The following SLC45A4 variants were observed in gnomAD, a reference collection of about 807,000 sequenced individuals.
SLC45A4 encodes solute carrier family 45 member 4, also known as polyamine-transporter SLC45A4.
A neutral mutation model predicts 63.7 loss-of-function variants in SLC45A4; 32 were observed. That is an observed-to-expected ratio of 0.50 (90% CI 0.38 to 0.67). The LOEUF (loss-of-function observed/expected upper bound fraction) is 0.67. Among genes scored for constraint, SLC45A4 ranks in the 30% least tolerant of loss-of-function variants. The pLI is 0.00. For missense variants in SLC45A4, 1,027 were observed against 1,157.7 expected (o/e 0.89, Z 1.64); for synonymous variants, 535 against 510.0 (o/e 1.05, Z -0.66).
intron 3 of SLC45A4, among the ~76,000 whole-genome samples, chr8:141,220,272 G>A (rs1206346046): frequency 6.6e-6 from 1 of 152,172 alleles, no homozygotes; most frequent in South Asian, 2.1e-4. Context: ...GAGGCTTCGC[G>A]AGGCAGGCGC....
intron 2 of SLC45A4, chr8:141,226,994 T>TCCTGC (rs1827041013): frequency 6.6e-6 from 1 of 152,268 alleles, no homozygotes; most frequent in African/African-American, 2.4e-5. Context: ...GCCTCGCAGG[T>TCCTGC]CCTGCTCTGA....
intron 1 of SLC45A4, among the ~76,000 whole-genome samples, chr8:141,306,270 CA>C (rs1369040507): frequency 2.6e-5 from 4 of 152,242 alleles, no homozygotes; most frequent in African/African-American, 9.6e-5. Flanking sequence ...GTGTGTATTT[CA>C]AACACATTTC....
intron 2 of SLC45A4, among the ~76,000 whole-genome samples, chr8:141,252,902 A>AC (rs1828561099): frequency 1.5e-5 from 2 of 130,538 alleles, no homozygotes; most frequent in Non-Finnish European, 3.2e-5. Context: ...TGTGTCTGTG[A>AC]ATTTTCGTGT....
At chr8:141,217,463 G>T (rs1826229501) in intron 5 of SLC45A4, among the ~76,000 whole-genome samples, 1 of 152,252 alleles carries the variant, frequency 6.6e-6, no homozygotes. Flanking sequence ...GGCTGGTCTG[G>T]ACTTGCAGAA....
At position 141,254,312 on chromosome 8, in the gene SLC45A4, C is replaced by A. The variant is rs776045678; in HGVS notation, c.-83G>T. On this transcript the variant is annotated 5_prime_UTR_variant, in exon 2 of 9. Coordinates refer to ENST00000517878, the MANE Select transcript of SLC45A4 (RefSeq NM_001286646.2). The surrounding 1 kb of genome is among the most constrained non-coding windows in gnomAD (Gnocchi z 4.5). Reference sequence around the variant, plus strand: ...ATATATCTGTAATGATAAATTAAGACGTCTTCTCTTTCTGCTTCTGCTGTG... The same window carrying A: ...ATATATCTGTAATGATAAATTAAGAAGTCTTCTCTTTCTGCTTCTGCTGTG... The A allele has an allele frequency of 7.3e-7, 1 of 1,378,494 alleles. No individual in the cohort carries two copies. Among genetic ancestry groups the A allele is most frequent in the Non-Finnish European group, 9.6e-7 (1 of 1,046,232 alleles). 85.4% of individuals were successfully genotyped at this position (1,378,494 alleles called of 1,614,324 possible).
intron 1 of SLC45A4, among the ~76,000 whole-genome samples, chr8:141,288,120 T>C: frequency 6.6e-6 from 1 of 152,148 alleles, no homozygotes; most frequent in East Asian, 1.9e-4. Flanking sequence ...TAGGCTGCAA[T>C]GAACCATGAT....
intron 2 of SLC45A4, among the ~76,000 whole-genome samples, chr8:141,244,236 G>C (rs1179107436): frequency 6.6e-6 from 1 of 152,218 alleles, no homozygotes; most frequent in Non-Finnish European, 1.5e-5. Context: ...GCCTGCAGGA[G>C]GTTCCCCTGT....
At chr8:141,214,221 C>T (rs1412145916) in intron 7 of SLC45A4, among the ~76,000 whole-genome samples, 1 of 150,812 alleles carries the variant, frequency 6.6e-6, no homozygotes, top group Non-Finnish European at 1.5e-5. Context: ...CATCATACTT[C>T]CTAGTAAGAT....
chr8:141,254,705 C>T lies in SLC45A4; in HGVS notation c.-400-76G>A. ...ATGGCCCTGTGGACCGCCGCCCGAC[C>T]CCCGAGCAAGCCGTGTGCCCCGAGG... is the stretch of plus-strand genomic sequence containing the variant. On this transcript the variant is annotated intron_variant, in intron 1 of 8. Coordinates refer to ENST00000517878, the MANE Select transcript of SLC45A4 (RefSeq NM_001286646.2). The surrounding 1 kb of genome is among the most constrained non-coding windows in gnomAD (Gnocchi z 4.5). 1.4e-6 allele frequency: 1 copy of T among 691,984 alleles called. No individual in the cohort carries two copies. Among genetic ancestry groups the T allele is most frequent in the Non-Finnish European group, 2.6e-6 (1 of 378,610 alleles). 42.9% of individuals were successfully genotyped at this position (691,984 alleles called of 1,614,324 possible).
At chr8:141,216,889 C>T (rs1463245739) in intron 6 of SLC45A4, among the ~76,000 whole-genome samples, 3 of 152,240 alleles carry the variant, frequency 2.0e-5, no homozygotes, top group Non-Finnish European at 4.4e-5. Flanking sequence ...GCTTCTGGTG[C>T]CAGCCCACAG....
At chr8:141,275,600 C>T (rs1241983530) in intron 1 of SLC45A4, among the ~76,000 whole-genome samples, 1 of 151,220 alleles carries the variant, frequency 6.6e-6, no homozygotes, top group African/African-American at 2.4e-5. Flanking sequence ...TATAGTGAGA[C>T]CCCTGTCTCA....
At chr8:141,298,382 C>T (rs892182515) in intron 1 of SLC45A4, among the ~76,000 whole-genome samples, 14 of 152,234 alleles carry the variant, frequency 9.2e-5, no homozygotes, top group Non-Finnish European at 1.8e-4. Context: ...TCACCCTGGC[C>T]AGATGGCTGT....
At chr8:141,303,122 C>T (rs528296839) in intron 1 of SLC45A4, among the ~76,000 whole-genome samples, 4 of 151,030 alleles carry the variant, frequency 2.6e-5, no homozygotes, top group South Asian at 2.1e-4. Flanking sequence ...CTCAGCCTCT[C>T]GAGTAGTTGG....
rs1465317076 is a variant in SLC45A4 at position 141,256,486 on chromosome 8, T to A, written c.-400-1857A>T. 1 of 454,466 alleles carries A rather than the reference T, an allele frequency of 2.2e-6. No homozygotes were observed. The highest frequency in any genetic ancestry group is 7.0e-5 in the East Asian group (1 of 14,340). 28.2% of individuals were successfully genotyped at this position (454,466 alleles called of 1,614,324 possible). A position where few individuals can be genotyped will look rare whatever the true frequency, so the allele number is the denominator to read the frequency against. On this transcript the variant is annotated intron_variant, in intron 1 of 8. Coordinates refer to ENST00000517878, the MANE Select transcript of SLC45A4 (RefSeq NM_001286646.2). The surrounding 1 kb of genome is among the most constrained non-coding windows in gnomAD (Gnocchi z 4.3). ...GTGCTGTCTTCACTCGGCTCCTCTC[T>A]CACACAGCCCTGATGGAGAAGGTGG...
intron 1 of SLC45A4, among the ~76,000 whole-genome samples, chr8:141,270,694 G>A (rs1183816866): frequency 3.9e-5 from 6 of 152,094 alleles, no homozygotes; most frequent in African/African-American, 1.4e-4. Context: ...GACCCTCGCA[G>A]ACTCGCCCAG....
intron 1 of SLC45A4, among the ~76,000 whole-genome samples, chr8:141,277,264 C>T (rs1042177605): frequency 3.9e-5 from 6 of 152,290 alleles, no homozygotes; most frequent in East Asian, 1.9e-4. Flanking sequence ...GGTCCGGGTC[C>T]GGCGAGGACC....
chr8:141,295,925 G>C (rs899013435), intron 1 of SLC45A4, among the ~76,000 whole-genome samples: 35 of 152,208 alleles, frequency 2.3e-4, no homozygotes, highest in African/African-American at 8.2e-4. Context: ...CTGGCACAAA[G>C]GGACAAGGTG....
intron 2 of SLC45A4, among the ~76,000 whole-genome samples, chr8:141,234,804 G>T (rs1356111956): frequency 6.6e-6 from 1 of 152,188 alleles, no homozygotes; most frequent in East Asian, 1.9e-4. Context: ...TCACCTCCAC[G>T]TTCCGCTCTG....
At position 141,215,198 on chromosome 8, in the gene SLC45A4, C is replaced by T. The variant is rs932622089; in HGVS notation, c.1941+561G>A. 3.9e-5 allele frequency among the ~76,000 whole-genome samples: 6 copies of T among 152,200 alleles called. No individual in the cohort carries two copies. The highest frequency in any genetic ancestry group is 7.3e-5 in the Non-Finnish European group (5 of 68,048). On this transcript the variant is annotated intron_variant, in intron 7 of 8. Transcript: ENST00000517878. The surrounding 1 kb of genome is among the most constrained non-coding windows in gnomAD (Gnocchi z 4.3). ...GCTACTGAGCATTTGAGATAAAGCT[C>T]GTCTCATGTGTGATGTGCTGTGATG...
Sources: gnomAD v4.1 joint callset for allele counts (sites outside exome capture counted in the v4.1 genomes callset) on GRCh38, gnomAD v4.1.1 for gene constraint, Gnocchi (gnomAD v3.1) non-coding constraint, MANE v1.5 for transcripts, NCBI Gene and HGNC (gene_info 2026-07-23, HGNC 2026-07-21) for gene names.